GPC6: variants seen among roughly 807,000 people sequenced by gnomAD.
The protein encoded by GPC6 is glypican 6.
GPC6 carries 14 observed loss-of-function variants against 55.2 expected under a neutral mutation model. That is an observed-to-expected ratio of 0.25 (90% CI 0.17 to 0.40). The LOEUF (loss-of-function observed/expected upper bound fraction) is 0.40. Among genes scored for constraint, GPC6 ranks in the 10% least tolerant of loss-of-function variants. The pLI is 1.00. For synonymous variants in GPC6, 278 were observed against 259.6 expected (o/e 1.07, Z -0.68); for missense variants, 641 against 708.5 (o/e 0.90, Z 1.08).
intron 4 of GPC6, among the ~76,000 whole-genome samples, chr13:94,059,405 C>G (rs1884245590): frequency 6.6e-6 from 1 of 151,962 alleles, no homozygotes; most frequent in South Asian, 2.1e-4. Context: ...CTCCTGCAGC[C>G]CCTCATCCTT....
At chr13:93,438,612 T>C (rs1274766480) in intron 1 of GPC6, among the ~76,000 whole-genome samples, 1 of 152,136 alleles carries the variant, frequency 6.6e-6, no homozygotes, top group Non-Finnish European at 1.5e-5. Flanking sequence ...CATGATAAAA[T>C]ATGAACAAAT....
At chr13:93,942,981 C>T (rs1338474518) in intron 3 of GPC6, among the ~76,000 whole-genome samples, 1 of 152,100 alleles carries the variant, frequency 6.6e-6, no homozygotes, top group Non-Finnish European at 1.5e-5. Context: ...TCTTTGCAAA[C>T]TCAACTCAAG....
chr13:94,130,964 A>G (rs1031083736), intron 4 of GPC6, among the ~76,000 whole-genome samples: 2 of 152,158 alleles, frequency 1.3e-5, no homozygotes. Context: ...TTGAATAACT[A>G]GACAAGAAAC....
intron 1 of GPC6, among the ~76,000 whole-genome samples, chr13:93,393,127 TAGAGAGAG>T (rs144440794): frequency 0.078 from 6,811 of 87,444 alleles, 214 homozygotes; most frequent in Non-Finnish European, 0.093. Flanking sequence ...TATATATATA[TAGAGAGAG>T]AGAGAGAGAG....
intron 5 of GPC6, among the ~76,000 whole-genome samples, chr13:94,301,924 G>A (rs1875672845): frequency 2.0e-5 from 3 of 151,652 alleles, no homozygotes; most frequent in South Asian, 4.2e-4. Flanking sequence ...GTAAAATGTT[G>A]GGATACCCAA....
chr13:94,389,078 A>G (rs1429895726), intron 7 of GPC6, among the ~76,000 whole-genome samples: 1 of 152,192 alleles, frequency 6.6e-6, no homozygotes, highest in Non-Finnish European at 1.5e-5. Flanking sequence ...TCACTTACCT[A>G]AGCAACTTCT....
At chr13:93,244,917 T>C (rs1594049711) in intron 1 of GPC6, among the ~76,000 whole-genome samples, 1 of 149,430 alleles carries the variant, frequency 6.7e-6, no homozygotes, top group African/African-American at 2.4e-5. Flanking sequence ...AAGCCTCTAA[T>C]CTGCCATCTT....
At chr13:93,425,903 G>T (rs1430673020) in intron 1 of GPC6, among the ~76,000 whole-genome samples, 1 of 152,118 alleles carries the variant, frequency 6.6e-6, no homozygotes, top group African/African-American at 2.4e-5. Context: ...AGGCACAGGT[G>T]CCCTGCAGCC....
At chr13:93,261,921 C>T in intron 1 of GPC6, among the ~76,000 whole-genome samples, 2 of 130,338 alleles carry the variant, frequency 1.5e-5, no homozygotes, top group East Asian at 4.6e-4. Context: ...CCTATCTCTC[C>T]CTCTACACAC....
chr13:94,086,685 C>A (rs1885293441), intron 4 of GPC6, among the ~76,000 whole-genome samples: 1 of 147,660 alleles, frequency 6.8e-6, no homozygotes, highest in African/African-American at 2.4e-5. Context: ...CTCAGGCTAT[C>A]TTAAGAGACA....
At chr13:93,856,833 G>A (rs935604688) in intron 3 of GPC6, among the ~76,000 whole-genome samples, 1 of 151,544 alleles carries the variant, frequency 6.6e-6, no homozygotes, top group African/African-American at 2.4e-5. Context: ...ATCATTAGCT[G>A]ACCTCCAGAC....
At chr13:94,251,625 C>T (rs549139953) in intron 4 of GPC6, among the ~76,000 whole-genome samples, 16 of 151,842 alleles carry the variant, frequency 1.1e-4, no homozygotes, top group African/African-American at 3.4e-4. Context: ...GCCGTTGTCA[C>T]GTCCTTTGTT....
At chr13:94,268,879 A>G (rs1891898774) in intron 4 of GPC6, among the ~76,000 whole-genome samples, 1 of 152,152 alleles carries the variant, frequency 6.6e-6, no homozygotes, top group Non-Finnish European at 1.5e-5. Context: ...GGCCTTTCAC[A>G]TTGCCTCTTG....
At chr13:93,593,244 T>A (rs1311359956) in intron 2 of GPC6, among the ~76,000 whole-genome samples, 3 of 152,150 alleles carry the variant, frequency 2.0e-5, no homozygotes, top group Non-Finnish European at 4.4e-5. Flanking sequence ...CTGCATTTTG[T>A]ATTTTGTATT....
intron 3 of GPC6, among the ~76,000 whole-genome samples, chr13:93,964,152 G>A (rs1184195100): frequency 6.6e-6 from 1 of 152,192 alleles, no homozygotes; most frequent in Non-Finnish European, 1.5e-5. Context: ...AGAGGTCATG[G>A]AGAAAGATGA....
At chr13:94,063,912 T>G (rs1884425549) in intron 4 of GPC6, among the ~76,000 whole-genome samples, 1 of 152,232 alleles carries the variant, frequency 6.6e-6, no homozygotes, top group Non-Finnish European at 1.5e-5. Context: ...GGAGCTTTCA[T>G]GGTTGGAAGC....
chr13:93,754,940 C>T (rs1884720690), intron 2 of GPC6, among the ~76,000 whole-genome samples: 2 of 152,148 alleles, frequency 1.3e-5, no homozygotes, highest in Non-Finnish European at 2.9e-5. Context: ...AGTTAAAATT[C>T]ATAAGTATAC....
chr13:94,114,065 C>G (rs1289560982), intron 4 of GPC6, among the ~76,000 whole-genome samples: 1 of 71,446 alleles, frequency 1.4e-5, no homozygotes, highest in Non-Finnish European at 2.6e-5. Context: ...TTCACCCATT[C>G]ATAGAACTAA....
intron 5 of GPC6, among the ~76,000 whole-genome samples, chr13:94,293,573 T>G (rs1196560905): frequency 6.6e-6 from 1 of 152,174 alleles, no homozygotes; most frequent in Non-Finnish European, 1.5e-5. Flanking sequence ...AATATGAAAA[T>G]GGACTAATAC....
Sources: allele counts gnomAD v4.1 joint callset (sites outside exome capture counted in the v4.1 genomes callset), GRCh38; gene constraint gnomAD v4.1.1; transcripts MANE v1.5; gene names NCBI Gene and HGNC (gene_info 2026-07-23, HGNC 2026-07-21).